Variants in STPG2 observed in about 807,000 individuals in gnomAD.
STPG2 encodes sperm-tail PG-rich repeat-containing protein 2.
STPG2 carries 56 observed loss-of-function variants against 54.2 expected under a neutral mutation model. The observed-to-expected ratio is 1.03, with a 90% CI of 0.83 to 1.29. The LOEUF is 1.29. Ranked by LOEUF, STPG2 falls within the 50% of genes most tolerant of loss-of-function variation. The pLI, the probability that STPG2 is intolerant of heterozygous loss-of-function variation, is 0.00. For missense variants in STPG2, 596 were observed against 544.9 expected (o/e 1.09, Z -0.93); for synonymous variants, 200 against 181.8 (o/e 1.10, Z -0.81).
chr4:97,724,208 CT>C (rs1578508947), intron 9 of STPG2, among the ~76,000 whole-genome samples: 1 of 151,980 alleles, frequency 6.6e-6, no homozygotes, highest in African/African-American at 2.4e-5. Context: ...TTCTCTATTC[CT>C]TTTTTTAAGC....
At chr4:97,909,254 A>T (rs767375536) in intron 8 of STPG2, among the ~76,000 whole-genome samples, 2 of 152,016 alleles carry the variant, frequency 1.3e-5, no homozygotes, top group Non-Finnish European at 2.9e-5. Context: ...TACATTTGAA[A>T]ATTTAAATAA....
intron 9 of STPG2, among the ~76,000 whole-genome samples, chr4:97,771,873 A>G (rs1726230388): frequency 6.6e-6 from 1 of 152,202 alleles, no homozygotes; most frequent in Admixed American, 6.5e-5. Flanking sequence ...GTGGAAAAGT[A>G]GGCTTGATCT....
intron 4 of STPG2, among the ~76,000 whole-genome samples, chr4:97,504,899 A>T (rs751542485): frequency 2.6e-5 from 4 of 152,030 alleles, no homozygotes; most frequent in Admixed American, 6.6e-5. Context: ...TTCTGAAAAA[A>T]AGTTATTGTT....
At chr4:97,732,846 C>A (rs910062292) in intron 9 of STPG2, among the ~76,000 whole-genome samples, 2 of 152,072 alleles carry the variant, frequency 1.3e-5, no homozygotes, top group African/African-American at 4.8e-5. Context: ...GCTAAAACCA[C>A]TAATCATCAG....
At chr4:98,000,655 T>G (rs1735385331) in intron 5 of STPG2, among the ~76,000 whole-genome samples, 1 of 152,162 alleles carries the variant, frequency 6.6e-6, no homozygotes, top group Admixed American at 6.5e-5. Context: ...TTAAACTGAT[T>G]AAATTTAAAC....
intron 9 of STPG2, among the ~76,000 whole-genome samples, chr4:97,802,710 A>G (rs1486759475): frequency 2.0e-5 from 3 of 152,088 alleles, no homozygotes; most frequent in Non-Finnish European, 2.9e-5. Flanking sequence ...ACCTCAGTTT[A>G]TCCACGCACC....
chr4:97,636,305 T>C (rs868044474), intron 10 of STPG2, among the ~76,000 whole-genome samples: 1,571 of 143,630 alleles, frequency 0.011, 23 homozygotes, highest in African/African-American at 0.038. Context: ...AGAACAAAGA[T>C]ACAACATACC....
downstream of STPG2, among the ~76,000 whole-genome samples, chr4:97,558,348 C>T (rs1207821860): frequency 6.6e-6 from 1 of 152,058 alleles, no homozygotes; most frequent in African/African-American, 2.4e-5. Flanking sequence ...CAGTTTCCTC[C>T]CATCTGTATT....
intron 8 of STPG2, among the ~76,000 whole-genome samples, chr4:97,870,808 C>T (rs1324935053): frequency 6.6e-6 from 1 of 151,110 alleles, no homozygotes; most frequent in Non-Finnish European, 1.5e-5. Context: ...ACACCAATAA[C>T]GTAAATCTTA....
chr4:97,660,399 A>G (rs1179841510), intron 10 of STPG2, among the ~76,000 whole-genome samples: 1 of 152,202 alleles, frequency 6.6e-6, no homozygotes, highest in Non-Finnish European at 1.5e-5. Flanking sequence ...TCTTGCCTTG[A>G]CAAGAATTAT....
intron 5 of STPG2, among the ~76,000 whole-genome samples, chr4:98,014,519 G>A (rs772654242): frequency 1.3e-5 from 2 of 152,040 alleles, no homozygotes; most frequent in Admixed American, 6.6e-5. Context: ...TCCCATCACC[G>A]CTGCTGCTTC....
intron 8 of STPG2, among the ~76,000 whole-genome samples, chr4:97,868,476 T>C (rs1476064197): frequency 6.6e-6 from 1 of 151,848 alleles, no homozygotes; most frequent in African/African-American, 2.4e-5. Context: ...AGAGGTAGCA[T>C]AAGTTAAGAT....
intron 9 of STPG2, among the ~76,000 whole-genome samples, chr4:97,831,236 C>G (rs1023073380): frequency 2.6e-5 from 4 of 152,132 alleles, no homozygotes; most frequent in Non-Finnish European, 5.9e-5. Flanking sequence ...AACCGCACAA[C>G]TACATGGAAA....
chr4:97,802,322 C>G (rs1727426126), intron 9 of STPG2, among the ~76,000 whole-genome samples: 1 of 152,126 alleles, frequency 6.6e-6, no homozygotes, highest in South Asian at 2.1e-4. Flanking sequence ...ATATGGCATT[C>G]TCCCATGAGT....
intron 7 of STPG2, among the ~76,000 whole-genome samples, chr4:97,961,747 A>G (rs1733897496): frequency 6.6e-6 from 1 of 152,212 alleles, no homozygotes. Flanking sequence ...GAACACTTTT[A>G]TACTGATGGT....
chr4:98,023,962 C>T (rs1044365645), intron 5 of STPG2, among the ~76,000 whole-genome samples: 4 of 152,186 alleles, frequency 2.6e-5, no homozygotes, highest in African/African-American at 9.7e-5. Flanking sequence ...AAAGGGAACT[C>T]CCTGACCCCT....
intron 9 of STPG2, among the ~76,000 whole-genome samples, chr4:97,741,550 A>G (rs1165665841): frequency 2.6e-5 from 4 of 152,266 alleles, no homozygotes; most frequent in Middle Eastern, 3.4e-3. Context: ...AAAAGTGGGC[A>G]AAGGACATGA....
Position 97,576,798 on chromosome 4 carries a change from T to C in STPG2, c.1321-17681A>G, listed in dbSNP as rs113148521. 5.2e-3 allele frequency among the ~76,000 whole-genome samples: 794 copies of C among 152,054 alleles called. 6 individuals are homozygous for C. The highest frequency in any genetic ancestry group is 0.021 in the Middle Eastern group (6 of 292). ...TGCACAGTAAAACAGACTATCAACATAGAAAATATACAACCTACAGAACAA... is the reference window on the plus strand; with the variant it reads ...TGCACAGTAAAACAGACTATCAACACAGAAAATATACAACCTACAGAACAA... On this transcript the variant is annotated intron_variant, in intron 10 of 10. Transcript: ENST00000295268.
intron 5 of STPG2, among the ~76,000 whole-genome samples, chr4:98,017,379 G>C (rs1735992036): frequency 1.3e-5 from 2 of 152,236 alleles, no homozygotes; most frequent in Admixed American, 6.5e-5. Context: ...TGACAAGCTT[G>C]AAGTGTAGGT....
Sources: allele counts gnomAD v4.1 joint callset (sites outside exome capture counted in the v4.1 genomes callset), GRCh38; gene constraint gnomAD v4.1.1; transcripts MANE v1.5; gene names NCBI Gene and HGNC (gene_info 2026-07-23, HGNC 2026-07-21).